NBEA: variants seen among roughly 807,000 people sequenced by gnomAD.
NBEA encodes lysosomal-trafficking regulator 2.
A neutral mutation model predicts 343.4 loss-of-function variants in NBEA; 44 were observed. That is an observed-to-expected ratio of 0.13 (90% CI 0.10 to 0.16). The LOEUF (loss-of-function observed/expected upper bound fraction) is 0.16, where lower values mean the gene tolerates loss of function less well. Ranked by LOEUF, NBEA falls within the 10% of genes least tolerant of loss-of-function variation. NBEA has a pLI of 1.00. For missense variants in NBEA, 2,555 were observed against 3,631.3 expected, an observed-to-expected ratio of 0.70 and a Z score of 7.62; for synonymous variants, 1,175 against 1,238.7, an observed-to-expected ratio of 0.95 and a Z score of 1.08.
intron 41 of NBEA, among the ~76,000 whole-genome samples, chr13:35,503,065 A>G (rs1438257455): frequency 1.3e-5 from 2 of 152,088 alleles, no homozygotes; most frequent in African/African-American, 2.4e-5. Context: ...AATCACAGGC[A>G]ATATAAATTC....
At chr13:35,139,057 C>CTTTTTTTT (rs36053692) in intron 17 of NBEA, among the ~76,000 whole-genome samples, 3 of 97,888 alleles carry the variant, frequency 3.1e-5, no homozygotes, top group Admixed American at 1.4e-4. Flanking sequence ...CAAGAAATAT[C>CTTTTTTTT]TTTTTTTTTT....
chr13:35,269,894 A>G (rs931100848), intron 34 of NBEA, among the ~76,000 whole-genome samples: 1 of 152,202 alleles, frequency 6.6e-6, no homozygotes, highest in Non-Finnish European at 1.5e-5. Flanking sequence ...GGGAGCAAGG[A>G]CAACTTCTAA....
intron 41 of NBEA, among the ~76,000 whole-genome samples, chr13:35,520,675 CT>C (rs1280311024): frequency 6.6e-6 from 1 of 152,186 alleles, no homozygotes; most frequent in Non-Finnish European, 1.5e-5. Context: ...CCCTATTTCT[CT>C]CTTCCAGTAC....
At chr13:35,278,342 TTATTG>T (rs1430309946) in intron 34 of NBEA, among the ~76,000 whole-genome samples, 8 of 152,028 alleles carry the variant, frequency 5.3e-5, no homozygotes, top group African/African-American at 9.7e-5. Context: ...TCTCTACCTA[TTATTG>T]TATTGTAAGT....
intron 30 of NBEA, chr13:35,185,927 T>A (rs1395927482): frequency 6.6e-6 from 1 of 152,138 alleles, no homozygotes; most frequent in African/African-American, 2.4e-5. Context: ...AAGATATTTT[T>A]TCATGATAGA....
At chr13:35,336,888 G>A (rs551151199) in intron 36 of NBEA, among the ~76,000 whole-genome samples, 2 of 152,164 alleles carry the variant, frequency 1.3e-5, no homozygotes, top group East Asian at 3.9e-4. Flanking sequence ...TGGGATAAAG[G>A]AGAGGATCAG....
chr13:35,229,314 G>A (rs2074839671), intron 33 of NBEA, among the ~76,000 whole-genome samples: 1 of 152,126 alleles, frequency 6.6e-6, no homozygotes, highest in Admixed American at 6.6e-5. Context: ...TTATAGGTAT[G>A]AGCCACCATG....
intron 34 of NBEA, among the ~76,000 whole-genome samples, chr13:35,265,844 A>G (rs2152801215): frequency 6.6e-6 from 1 of 152,114 alleles, no homozygotes; most frequent in East Asian, 1.9e-4. Context: ...CAACAAAAGC[A>G]AAGACAAATG....
chr13:35,623,805 C>G (rs1289108897), intron 48 of NBEA, among the ~76,000 whole-genome samples: 5 of 152,000 alleles, frequency 3.3e-5, no homozygotes, highest in Admixed American at 3.3e-4. Context: ...CCTCAAAATT[C>G]AAGGCCCATA....
intron 34 of NBEA, among the ~76,000 whole-genome samples, chr13:35,261,180 C>T (rs2152798188): frequency 6.6e-6 from 1 of 152,218 alleles, no homozygotes; most frequent in South Asian, 2.1e-4. Flanking sequence ...GTTTAAAAGA[C>T]AAGGATTGTC....
intron 41 of NBEA, chr13:35,477,290 T>C (rs901546868): frequency 1.8e-5 from 3 of 163,324 alleles, no homozygotes; most frequent in Non-Finnish European, 4.4e-5. Flanking sequence ...TTTTTACTTA[T>C]GTTTTTTTCT....
chr13:35,628,798 G>A (rs933412505), intron 49 of NBEA, among the ~76,000 whole-genome samples: 15 of 152,098 alleles, frequency 9.9e-5, no homozygotes, highest in African/African-American at 3.4e-4. Flanking sequence ...CAGCTGTGTG[G>A]TCCCAGCTAC....
At chr13:35,286,767 TTTTTGTTTTG>T (rs372228604) in intron 34 of NBEA, among the ~76,000 whole-genome samples, 3 of 152,098 alleles carry the variant, frequency 2.0e-5, no homozygotes, top group South Asian at 2.1e-4. Context: ...TTGTGGCAGT[TTTTTGTTTTG>T]TTTTGTTTTG....
In NBEA at chr13:34,942,914, A is replaced by C; in HGVS notation, c.94A>C (p.Ser32Arg). 1 of 1,495,956 alleles carries C rather than the reference A, an allele frequency of 6.7e-7. No individual in the cohort carries two copies. The highest frequency in any genetic ancestry group is 8.9e-7 in the Non-Finnish European group (1 of 1,119,864). 92.7% of individuals were successfully genotyped at this position (1,495,956 alleles called of 1,614,324 possible). A position where few individuals can be genotyped will look rare whatever the true frequency, so the allele number is the denominator to read the frequency against. Residue 32 changes from serine to arginine, a missense_variant, in exon 1 of 59, where the codon AGC becomes CGC. Ser to Arg is a moderately radical substitution (Grantham distance 110). Around this residue, in one of 21 missense-constraint regions of NBEA, gnomAD observed 122 missense variants for 91.0 expected, o/e 1.34. Coordinates refer to ENST00000379939, the MANE Select transcript of NBEA (RefSeq NM_001385012.1). ...VGAAGGGGGGSGGGGTGGSGM... is the reference protein window; with the variant it reads ...VGAAGGGGGGRGGGGTGGSGM... ...GGCCGCTGGCGGAGGCGGCGGGGGC[A>C]GCGGTGGTGGCGGCACCGGGGGCAG... is the stretch of plus-strand genomic sequence containing the variant.
At chr13:35,482,216 A>G (rs2076145521) in intron 41 of NBEA, among the ~76,000 whole-genome samples, 1 of 151,734 alleles carries the variant, frequency 6.6e-6, no homozygotes. Flanking sequence ...ATAATTACAT[A>G]AAATAGAAAA....
In NBEA at chr13:34,958,738, G is replaced by A. The variant is rs973132255; in HGVS notation, c.294+15624G>A. The stretch of plus-strand genomic sequence containing the variant: ...AGGGATGAGAGTAAGTAAACTGAGA[G>A]TGTTTGGAACTTATTTCTAATTTTT... On this transcript the variant is annotated intron_variant, in intron 1 of 58. Transcript: ENST00000379939. Among the ~76,000 whole-genome samples the A allele has an allele frequency of 2.3e-4, 35 of 152,052 alleles. 1 individual carries two copies. Among genetic ancestry groups the A allele is most frequent in the African/African-American group, 8.0e-4 (33 of 41,412 alleles).
chr13:35,650,757 G>A (rs1169610512), intron 52 of NBEA, among the ~76,000 whole-genome samples: 1 of 152,100 alleles, frequency 6.6e-6, no homozygotes, highest in Non-Finnish European at 1.5e-5. Flanking sequence ...GCTTAACCAG[G>A]GCAGAGTGGA....
intron 1 of NBEA, among the ~76,000 whole-genome samples, chr13:34,978,991 T>A (rs965630261): frequency 6.6e-6 from 1 of 152,186 alleles, no homozygotes; most frequent in Non-Finnish European, 1.5e-5. Flanking sequence ...AGAATGTAAT[T>A]ATCAGGTAGA....
At chr13:35,135,531 TAATA>T (rs1465407523) in intron 17 of NBEA, among the ~76,000 whole-genome samples, 9 of 152,030 alleles carry the variant, frequency 5.9e-5, no homozygotes, top group Admixed American at 5.9e-4. Flanking sequence ...GATAAAATTG[TAATA>T]AATCAATTTG....
Sources: allele counts gnomAD v4.1 joint callset (sites outside exome capture counted in the v4.1 genomes callset), GRCh38; gene constraint gnomAD v4.1.1; regional missense constraint gnomAD v4.1.1; transcripts MANE v1.5; gene names NCBI Gene and HGNC (gene_info 2026-07-23, HGNC 2026-07-21).